Variants in FRAS1 observed in about 807,000 individuals in gnomAD.
FRAS1 encodes extracellular matrix organizing protein FRAS1.
Under a neutral mutation model 435.2 loss-of-function variants are expected in FRAS1, and 290 were observed. The observed-to-expected ratio is 0.67, with a 90% CI of 0.61 to 0.73. FRAS1 has a LOEUF of 0.73. Among genes scored for constraint, FRAS1 ranks in the 30% least tolerant of loss-of-function variants. The probability of loss-of-function intolerance (pLI) is 0.00; values close to 1 mark genes in which losing one functional copy is unlikely to be tolerated. For synonymous variants in FRAS1, 1,800 were observed against 1,851.0 expected (o/e 0.97, Z 0.71); for missense variants, 4,860 against 5,001.5 (o/e 0.97, Z 0.85).
At chr4:78,115,050 A>G (rs996639910) in intron 2 of FRAS1, among the ~76,000 whole-genome samples, 2 of 152,026 alleles carry the variant, frequency 1.3e-5, no homozygotes, top group African/African-American at 2.4e-5. Context: ...GGATTGTTGA[A>G]TTTTGTCAAA....
intron 2 of FRAS1, among the ~76,000 whole-genome samples, chr4:78,155,248 G>A (rs927267638): frequency 1.3e-5 from 2 of 152,200 alleles, no homozygotes; most frequent in Admixed American, 6.5e-5. Flanking sequence ...TATTGGTTAA[G>A]AGCCTACAAG....
chr4:78,487,989 A>G (rs1720223232), intron 58 of FRAS1, among the ~76,000 whole-genome samples: 1 of 152,146 alleles, frequency 6.6e-6, no homozygotes, highest in Admixed American at 6.6e-5. Flanking sequence ...TTATAAAAGA[A>G]GAGGCATCTA....
At chr4:78,299,399 G>A (rs1048410505) in intron 14 of FRAS1, among the ~76,000 whole-genome samples, 2 of 152,200 alleles carry the variant, frequency 1.3e-5, no homozygotes, top group Non-Finnish European at 1.5e-5. Context: ...ACCTTCTCCT[G>A]TGTCAGACCT....
intron 15 of FRAS1, among the ~76,000 whole-genome samples, chr4:78,309,243 G>A (rs1728918549): frequency 6.6e-6 from 1 of 152,188 alleles, no homozygotes; most frequent in African/African-American, 2.4e-5. Flanking sequence ...CTTCCAGAAG[G>A]AACTTTGATT....
intron 60 of FRAS1, 24 bp from the exon 61 acceptor site, chr4:78,499,697 G>T: frequency 6.2e-7 from 1 of 1,608,040 alleles, no homozygotes; most frequent in Non-Finnish European, 8.5e-7. Context: ...ACTGGCTCTT[G>T]TTTTCCTAAC....
chr4:78,370,609 G>T (rs1444211211), intron 23 of FRAS1, among the ~76,000 whole-genome samples: 1 of 152,188 alleles, frequency 6.6e-6, no homozygotes, highest in African/African-American at 2.4e-5. Context: ...GTAGGTGTTT[G>T]CATTTACAAC....
At chr4:78,258,779 A>G (rs1725925223) in intron 6 of FRAS1, among the ~76,000 whole-genome samples, 7 of 147,060 alleles carry the variant, frequency 4.8e-5, no homozygotes, top group Admixed American at 2.7e-4. Context: ...ATATGTATAC[A>G]TGTGCCATGC....
intron 6 of FRAS1, among the ~76,000 whole-genome samples, chr4:78,261,097 G>C (rs1411178434): frequency 2.7e-5 from 4 of 150,888 alleles, no homozygotes; most frequent in Non-Finnish European, 4.4e-5. Context: ...ATTTTTCACT[G>C]TGCCTTTCCT....
intron 2 of FRAS1, among the ~76,000 whole-genome samples, chr4:78,094,893 T>C (rs1244648491): frequency 6.6e-6 from 1 of 152,128 alleles, no homozygotes; most frequent in Non-Finnish European, 1.5e-5. Flanking sequence ...GGGGTAATAA[T>C]GGTGCTTAAC....
At chr4:78,252,658 A>G (rs1362818810) in intron 5 of FRAS1, 107 bp downstream of exon 5, 3 of 1,108,568 alleles carry the variant, frequency 2.7e-6, no homozygotes, top group Non-Finnish European at 2.6e-6. Flanking sequence ...TATTTTCCCT[A>G]AATGTTGGCT....
At position 78,118,633 on chromosome 4, in the gene FRAS1, A is replaced by G. The variant is rs1269674776; in HGVS notation, c.108+52617A>G. Among the ~76,000 whole-genome samples, 3 of 152,174 alleles carry G rather than the reference A, an allele frequency of 2.0e-5. No individual in the cohort carries two copies. The East Asian group carries it at 5.8e-4, about 29-fold the overall frequency. ...CCCTCAGATCCAGGCCCAGGATACA[A>G]TCTCCTGGTGTGCCATTTGCTAAGA... On this transcript the variant is annotated intron_variant, in intron 2 of 73. Transcript: ENST00000512123.
chr4:78,376,600 A>C lies in FRAS1; in HGVS notation c.3292+721A>C, dbSNP rs561398511. On this transcript the variant is annotated intron_variant, in intron 26 of 73. Coordinates refer to ENST00000512123, the MANE Select transcript of FRAS1 (RefSeq NM_025074.7). ...CACCCTTTTTCACACAGTAGAGATA[A>C]ATTATAAATAAATAACAAATAGTAT... is the stretch of plus-strand genomic sequence containing the variant. Among the ~76,000 whole-genome samples, 17 of 152,184 alleles carry C rather than the reference A, an allele frequency of 1.1e-4. 1 individual carries two copies. The highest frequency in any genetic ancestry group is 2.2e-4 in the Non-Finnish European group (15 of 68,024).
intron 2 of FRAS1, among the ~76,000 whole-genome samples, chr4:78,114,455 C>T (rs1025604056): frequency 3.9e-5 from 6 of 152,132 alleles, no homozygotes; most frequent in Non-Finnish European, 5.9e-5. Context: ...ATTCTTCCTG[C>T]TCATGAGCAT....
chr4:78,158,447 A>G (rs532764892), intron 2 of FRAS1, among the ~76,000 whole-genome samples: 4 of 152,266 alleles, frequency 2.6e-5, no homozygotes, highest in Admixed American at 6.5e-5. Context: ...TTTTGTGACT[A>G]TTATAAATGC....
intron 20 of FRAS1, among the ~76,000 whole-genome samples, chr4:78,342,739 G>T (rs975548911): frequency 7.2e-5 from 11 of 152,136 alleles, no homozygotes; most frequent in African/African-American, 2.7e-4. Flanking sequence ...TTTAAACAAT[G>T]CTTTGAGTTT....
At chr4:78,237,695 T>G (rs1335817228) in intron 3 of FRAS1, 78 bp downstream of exon 3, 3 of 629,744 alleles carry the variant, frequency 4.8e-6, no homozygotes, top group Non-Finnish European at 7.7e-6. Flanking sequence ...TTCAGACATC[T>G]GTTTTTGACA....
intron 26 of FRAS1, among the ~76,000 whole-genome samples, chr4:78,377,256 C>G (rs1731806096): frequency 6.6e-6 from 1 of 152,044 alleles, no homozygotes; most frequent in Admixed American, 6.6e-5. Flanking sequence ...ATATTTCTGG[C>G]CTTTAAAGAT....
rs144895270 is a variant in FRAS1, at chr4:78,207,579, A to G, written c.109-29931A>G. Among the ~76,000 whole-genome samples, 535 of 152,352 alleles carry G rather than the reference A, an allele frequency of 3.5e-3. 2 individuals carry two copies. The highest frequency in any genetic ancestry group is 0.014 in the Middle Eastern group (4 of 294). Reference sequence around the variant, plus strand: ...TAGATACTTGCTTCTAGTAGGCTCCATAATCCTCCCAGTCATCTGTGAGGC... The same window carrying G: ...TAGATACTTGCTTCTAGTAGGCTCCGTAATCCTCCCAGTCATCTGTGAGGC... On this transcript the variant is annotated intron_variant, in intron 2 of 73. Transcript: ENST00000512123.
chr4:78,258,339 C>CA (rs33932507), intron 6 of FRAS1, among the ~76,000 whole-genome samples: 86 of 139,940 alleles, frequency 6.1e-4, no homozygotes, highest in African/African-American at 1.9e-3. Context: ...AGACCTGTAT[C>CA]AAAAAAAAAA....
Sources: allele counts gnomAD v4.1 joint callset (sites outside exome capture counted in the v4.1 genomes callset), GRCh38; gene constraint gnomAD v4.1.1; transcripts MANE v1.5; gene names NCBI Gene and HGNC (gene_info 2026-07-23, HGNC 2026-07-21).